The following PAH variants were observed in gnomAD, a reference collection of about 807,000 sequenced individuals.
PAH encodes phenylalanine-4-hydroxylase.
In PAH, 64 loss-of-function variants were observed where a neutral mutation model predicts 62.0. The observed-to-expected ratio is 1.03, with a 90% CI of 0.84 to 1.27. The LOEUF is 1.27. PAH is among the 50% of genes most tolerant of loss of function. The pLI, the probability that PAH is intolerant of heterozygous loss-of-function variation, is 0.00. For missense variants in PAH, 579 were observed against 542.8 expected (o/e 1.07, Z -0.66); for synonymous variants, 195 against 196.2 (o/e 0.99, Z 0.05).
At chr12:102,958,308 C>A (rs1398188355) in exon 1 of PAH, 7 of 1,478,798 alleles carry the variant, frequency 4.7e-6, no homozygotes, top group Non-Finnish European at 6.2e-6. Flanking sequence ...GCAGCCCCAG[C>A]AGCCCTTCCT....
intron 3 of PAH, among the ~76,000 whole-genome samples, chr12:102,882,677 A>ATATATATAT (rs1461425878): frequency 4.4e-3 from 203 of 45,716 alleles, no homozygotes; most frequent in Middle Eastern, 0.012. Context: ...TATATATATA[A>ATATATATAT]AATTTTTTTC....
chr12:102,881,992 G>A (rs1876829548), intron 3 of PAH, among the ~76,000 whole-genome samples: 1 of 152,090 alleles, frequency 6.6e-6, no homozygotes, highest in African/African-American at 2.4e-5. Context: ...TGAGATTTCT[G>A]GAAAGTATGG....
chr12:102,847,543 T>A (rs1363804534), intron 8 of PAH, among the ~76,000 whole-genome samples: 2 of 152,214 alleles, frequency 1.3e-5, no homozygotes, highest in East Asian at 3.8e-4. Context: ...CTCAAAATAT[T>A]TATTAAGTTC....
At chr12:102,898,826 C>A (rs1877616743) in intron 2 of PAH, among the ~76,000 whole-genome samples, 1 of 152,170 alleles carries the variant, frequency 6.6e-6, no homozygotes, top group Non-Finnish European at 1.5e-5. Context: ...CAAATATCAA[C>A]TTTGATTATT....
In PAH at chr12:102,850,396, C is replaced by T. The variant is rs772040792; in HGVS notation, c.912+1291G>A. ...ATTCCACTTTTTTGTTTGTTTGTTT[C>T]AAATATTTAGTGGTAGCTTCTTTAT... On this transcript the variant is annotated intron_variant, in intron 8 of 12. Coordinates refer to ENST00000553106, the MANE Select transcript of PAH (RefSeq NM_000277.3). Among the ~76,000 whole-genome samples the T allele has an allele frequency of 1.4e-4, 21 of 152,256 alleles. No individual in the cohort carries two copies. In the South Asian group the frequency reaches 1.9e-3, roughly 14 times the overall value.
chr12:102,940,531 A>C (rs1589517), intron 1 of PAH, among the ~76,000 whole-genome samples: 3,899 of 152,318 alleles, frequency 0.026, 173 homozygotes, highest in African/African-American at 0.089. Context: ...ATTTCATAAC[A>C]CAATATTAAC....
intron 1 of PAH, among the ~76,000 whole-genome samples, chr12:102,942,926 A>G (rs1416943933): frequency 1.3e-5 from 2 of 152,028 alleles, no homozygotes; most frequent in African/African-American, 4.8e-5. Context: ...CAAGATGATT[A>G]AAAGACCTAA....
Position 102,904,269 on chromosome 12 carries a change from A to G in PAH, c.168+8522T>C, listed in dbSNP as rs577565465. Among the ~76,000 whole-genome samples the G allele has an allele frequency of 2.6e-5, 4 of 152,324 alleles. No homozygotes were observed. The East Asian group carries it at 7.7e-4, about 29-fold the overall frequency. On this transcript the variant is annotated intron_variant, in intron 2 of 12. Transcript: ENST00000553106. The stretch of plus-strand genomic sequence containing the variant: ...TCCAAACGGTTTGACTCTAGATGGT[A>G]TATCCTTAACCCCAATGCCATTCCA...
chr12:102,890,296 G>A lies in PAH; in HGVS notation c.352+4439C>T, dbSNP rs113316737. 7.4e-3 allele frequency among the ~76,000 whole-genome samples: 1,125 copies of A among 152,260 alleles called. 8 individuals carry two copies. Among genetic ancestry groups the A allele is most frequent in the Non-Finnish European group, 0.01 (692 of 68,030 alleles). On this transcript the variant is annotated intron_variant, in intron 3 of 12. Coordinates refer to ENST00000553106, the MANE Select transcript of PAH (RefSeq NM_000277.3). ...CCACAATAAAAAGGGCATTTTGTCCGGAGAAAGAATCAAAGGTTCAGATCT... is the reference window on the plus strand; with the variant it reads ...CCACAATAAAAAGGGCATTTTGTCCAGAGAAAGAATCAAAGGTTCAGATCT...
chr12:102,954,668 C>G (rs79506259), upstream of PAH, among the ~76,000 whole-genome samples: 928 of 152,246 alleles, frequency 6.1e-3, 13 homozygotes, highest in African/African-American at 0.021. Context: ...CCAGTTCTCT[C>G]AGGTCGGGAG....
At chr12:102,895,750 G>T (rs1877469779) in intron 2 of PAH, among the ~76,000 whole-genome samples, 1 of 151,494 alleles carries the variant, frequency 6.6e-6, no homozygotes, top group Admixed American at 6.6e-5. Context: ...AGCTACTTGG[G>T]AGGCTGAGAC....
chr12:102,855,053 C>T (rs1370052695), intron 6 of PAH, 83 bp downstream of exon 6: 3 of 1,118,144 alleles, frequency 2.7e-6, no homozygotes, highest in Non-Finnish European at 4.1e-6. Context: ...CTTGCCTCCA[C>T]ATACTTGTCT....
chr12:102,917,169 C>G lies in PAH; in HGVS notation c.-39G>C. The G allele has an allele frequency of 6.2e-7, 1 of 1,601,078 alleles. No individual in the cohort carries two copies. ...GAGTGAGGTCTCTGGCTTTTTAGGG[C>G]CTCAGGTACAGGCAGGTTTGCAAAC... On this transcript the variant is annotated 5_prime_UTR_variant, in exon 1 of 13. Coordinates refer to ENST00000553106, the MANE Select transcript of PAH (RefSeq NM_000277.3).
At chr12:102,868,126 GTATATATATATATATATA>G (rs1182277046) in intron 4 of PAH, among the ~76,000 whole-genome samples, 1 of 6,430 alleles carries the variant, frequency 1.6e-4, no homozygotes, top group African/African-American at 2.9e-4. Flanking sequence ...ACATATATGT[GTATATATATATATATATA>G]TATATATATA....
chr12:102,885,441 G>A (rs1159969881), intron 3 of PAH, among the ~76,000 whole-genome samples: 4 of 152,180 alleles, frequency 2.6e-5, no homozygotes, highest in South Asian at 2.1e-4. Flanking sequence ...CCTCTCCGGC[G>A]GGCGGCTGGG....
chr12:102,912,745 A>C (rs763432998), intron 2 of PAH, 46 bp downstream of exon 2: 3 of 1,280,886 alleles, frequency 2.3e-6, no homozygotes, highest in African/African-American at 2.9e-5. Flanking sequence ...AGAACATGGA[A>C]GTTTGCTACG....
In PAH at chr12:102,917,166, G is replaced by A; in HGVS notation, c.-36C>T. ...CGGGAGTGAGGTCTCTGGCTTTTTAGGGCCTCAGGTACAGGCAGGTTTGCA... is the reference window on the plus strand; with the variant it reads ...CGGGAGTGAGGTCTCTGGCTTTTTAAGGCCTCAGGTACAGGCAGGTTTGCA... On this transcript the variant is annotated 5_prime_UTR_variant, in exon 1 of 13. Coordinates refer to ENST00000553106, the MANE Select transcript of PAH (RefSeq NM_000277.3). The A allele has an allele frequency of 6.2e-7, 1 of 1,604,902 alleles. No homozygotes were observed. The highest frequency in any genetic ancestry group is 8.5e-7 in the Non-Finnish European group (1 of 1,171,704).
At chr12:102,903,706 G>A (rs1391819594) in intron 2 of PAH, among the ~76,000 whole-genome samples, 1 of 152,178 alleles carries the variant, frequency 6.6e-6, no homozygotes, top group Admixed American at 6.5e-5. Context: ...GTCTCTAAGT[G>A]TCTAGCTCCT....
intron 2 of PAH, among the ~76,000 whole-genome samples, chr12:102,912,347 TTATACA>T (rs1279257997): frequency 1.3e-5 from 2 of 152,190 alleles, no homozygotes; most frequent in Non-Finnish European, 2.9e-5. Flanking sequence ...TATTTTACAC[TTATACA>T]TAGAAGACAA....
Sources: gnomAD v4.1 joint callset for allele counts (sites outside exome capture counted in the v4.1 genomes callset) on GRCh38, gnomAD v4.1.1 for gene constraint, MANE v1.5 for transcripts, NCBI Gene and HGNC (gene_info 2026-07-23, HGNC 2026-07-21) for gene names.